The following MGA variants were observed in gnomAD, a reference collection of about 807,000 sequenced individuals.
MGA encodes the protein MAX dimerization protein MGA, also known as MAX gene-associated protein.
A neutral mutation model predicts 261.1 loss-of-function variants in MGA; 40 were observed. That is an observed-to-expected ratio of 0.15 (90% confidence interval 0.12 to 0.20). The LOEUF (loss-of-function observed/expected upper bound fraction) is 0.20. Among genes scored for constraint, MGA ranks in the 10% least tolerant of loss-of-function variants. MGA has a pLI of 1.00. For synonymous variants in MGA, 1,302 were observed against 1,290.6 expected, an observed-to-expected ratio of 1.01 and a Z score of -0.19; for missense variants, 3,397 against 3,630.5, an observed-to-expected ratio of 0.94 and a Z score of 1.65.
At chr15:41,717,960 A>G (rs2151561119) in intron 9 of MGA, among the ~76,000 whole-genome samples, 1 of 151,770 alleles carries the variant, frequency 6.6e-6, no homozygotes, top group Non-Finnish European at 1.5e-5. Context: ...ATACTTTGCC[A>G]TTACAGTGGA....
chr15:41,708,739 A>G (rs1468973204), intron 7 of MGA, among the ~76,000 whole-genome samples: 5 of 152,152 alleles, frequency 3.3e-5, no homozygotes, highest in Admixed American at 3.3e-4. Context: ...AGCCTTTTTA[A>G]CAGCATTTCT....
At chr15:41,661,752 T>C (rs2057417202) in intron 1 of MGA, among the ~76,000 whole-genome samples, 1 of 152,158 alleles carries the variant, frequency 6.6e-6, no homozygotes, top group African/African-American at 2.4e-5. Flanking sequence ...TTCGTTCTTT[T>C]TGGGCACGAT....
chr15:41,626,160 G>A (rs2056445406), intron 1 of MGA, among the ~76,000 whole-genome samples: 1 of 152,172 alleles, frequency 6.6e-6, no homozygotes, highest in African/African-American at 2.4e-5. Flanking sequence ...AATGTATCCT[G>A]TGGGGATAAG....
chr15:41,720,839 A>G (rs2060899539), intron 9 of MGA, among the ~76,000 whole-genome samples: 1 of 152,194 alleles, frequency 6.6e-6, no homozygotes, highest in African/African-American at 2.4e-5. Context: ...ATAAAATAAA[A>G]TAAAATAATA....
At chr15:41,693,120 A>G (rs1595744737) in intron 2 of MGA, among the ~76,000 whole-genome samples, 2 of 152,124 alleles carry the variant, frequency 1.3e-5, no homozygotes, top group Non-Finnish European at 2.9e-5. Context: ...GATTACAGGC[A>G]CGAGCCACCA....
At chr15:41,762,414 T>C (rs1279131708) in intron 22 of MGA, 52 bp downstream of exon 22, 3 of 1,307,994 alleles carry the variant, frequency 2.3e-6, no homozygotes, top group Non-Finnish European at 3.2e-6. Context: ...TCAGTTGACT[T>C]TAGTGGACTG....
At chr15:41,751,845 CTG>C (rs927550942) in intron 17 of MGA, 1 of 152,090 alleles carries the variant, frequency 6.6e-6, no homozygotes, top group African/African-American at 2.4e-5. Flanking sequence ...AAAATCTAAA[CTG>C]TGTCCTTCTT....
At chr15:41,645,233 T>G (rs994693973) in intron 1 of MGA, among the ~76,000 whole-genome samples, 4 of 152,258 alleles carry the variant, frequency 2.6e-5, no homozygotes, top group African/African-American at 9.6e-5. Flanking sequence ...TGCCAATTAC[T>G]CATATCAATT....
At chr15:41,637,925 A>G (rs2056741433) in intron 1 of MGA, among the ~76,000 whole-genome samples, 1 of 147,350 alleles carries the variant, frequency 6.8e-6, no homozygotes, top group East Asian at 2.1e-4. Flanking sequence ...TTGTATTTTT[A>G]GTAGAGACGG....
intron 22 of MGA, among the ~76,000 whole-genome samples, chr15:41,763,756 A>G (rs2063633458): frequency 6.6e-6 from 1 of 152,186 alleles, no homozygotes; most frequent in Non-Finnish European, 1.5e-5. Flanking sequence ...ACAAAACAAA[A>G]CAAAACAAAA....
chr15:41,727,390 C>T lies in MGA; in HGVS notation c.3641C>T (p.Pro1214Leu). 6.2e-7 allele frequency: 1 copy of T among 1,613,432 alleles called. No homozygotes were observed. Among genetic ancestry groups the T allele is most frequent in the Non-Finnish European group, 8.5e-7 (1 of 1,179,628 alleles). Residue 1214 changes from proline to leucine, a missense_variant, in exon 10 of 24, where the codon CCC becomes CTC. Pro to Leu is a moderately conservative substitution (Grantham distance 98, BLOSUM62 -3). Transcript: ENST00000219905. ...ATTAAATCTCCACGGTCATATACTC[C>T]CAAACCCAATCCTGTGGTAAGTCTG...
chr15:41,638,128 C>T (rs1045635074), intron 1 of MGA, among the ~76,000 whole-genome samples: 23 of 140,570 alleles, frequency 1.6e-4, no homozygotes, highest in South Asian at 4.6e-4. Flanking sequence ...TTGCAACCTC[C>T]GCCTCCTGGG....
chr15:41,682,495 T>A (rs780743774), intron 2 of MGA, among the ~76,000 whole-genome samples: 168 of 152,256 alleles, frequency 1.1e-3, no homozygotes, highest in Non-Finnish European at 2.1e-3. Context: ...TTATTTATTT[T>A]TTTGAGATGG....
chr15:41,699,032 G>T (rs779366929), intron 4 of MGA, 32 bp from the exon 5 acceptor site: 3 of 1,583,904 alleles, frequency 1.9e-6, no homozygotes, highest in East Asian at 2.3e-5. Context: ...GTGTACAGTA[G>T]CTTATTTTAT....
rs1355427855 is a variant in MGA at position 41,750,247 on chromosome 15, G to A, written c.6640G>A (p.Val2214Met). The A allele has an allele frequency of 2.5e-6, 4 of 1,613,944 alleles. No individual in the cohort carries two copies. In the South Asian group the frequency reaches 3.3e-5, roughly 13 times the overall value. Residue 2214 changes from valine (V) to methionine (M), a missense_variant, in exon 17 of 24, where the codon GTG becomes ATG. Around this residue, in one of 9 missense-constraint regions of MGA, gnomAD observed 1,410 missense variants for 1,386.4 expected, o/e 1.02. Transcript: ENST00000219905. ...AAAGACATGTCAGGAAAATTCAGAT[G>A]TGTTTCAGCAAGAACAAGGCATCTC...
chr15:41,694,861 C>T (rs1013717833), intron 2 of MGA, among the ~76,000 whole-genome samples: 1 of 152,138 alleles, frequency 6.6e-6, no homozygotes, highest in African/African-American at 2.4e-5. Context: ...GCCTCGAACT[C>T]CTGGGCACAA....
At chr15:41,661,364 A>C (rs1201395216) in intron 1 of MGA, among the ~76,000 whole-genome samples, 1 of 132,134 alleles carries the variant, frequency 7.6e-6, no homozygotes, top group African/African-American at 3.0e-5. Flanking sequence ...AAGCTCCAGT[A>C]GCCAAAGTTG....
chr15:41,738,134 C>T lies in MGA; in HGVS notation c.4434+1436C>T, dbSNP rs553618254. 2.0e-5 allele frequency among the ~76,000 whole-genome samples: 3 copies of T among 152,270 alleles called. No homozygotes were observed. The South Asian group carries it at 6.2e-4, about 32-fold the overall frequency. ...GATTGATATAGGCTGGGCATGGTGG[C>T]TCACACCTGTAATACCAGCACTTTG... On this transcript the variant is annotated intron_variant, in intron 13 of 23. Transcript: ENST00000219905.
chr15:41,760,649 A>T, intron 20 of MGA, 120 bp downstream of exon 20: 1 of 923,430 alleles, frequency 1.1e-6, no homozygotes, highest in Non-Finnish European at 1.6e-6. Context: ...AATGTAACAG[A>T]TGAATATGGA....
Sources: gnomAD v4.1 joint callset for allele counts (sites outside exome capture counted in the v4.1 genomes callset) on GRCh38, gnomAD v4.1.1 for gene constraint, gnomAD v4.1.1 regional missense constraint, MANE v1.5 for transcripts, NCBI Gene and HGNC (gene_info 2026-07-23, HGNC 2026-07-21) for gene names.